AUH: variants seen among roughly 807,000 people sequenced by gnomAD.
AUH encodes AU RNA binding methylglutaconyl-CoA hydratase, also known as methylglutaconyl-CoA hydratase, mitochondrial.
In AUH, 29 loss-of-function variants were observed where a neutral mutation model predicts 42.3. That is an observed-to-expected ratio of 0.69 (90% CI 0.51 to 0.93). AUH has a LOEUF of 0.93. Ranked by LOEUF, AUH falls within the 40% of genes least tolerant of loss-of-function variation. The pLI is 0.00. For missense variants in AUH, 452 were observed against 438.1 expected, an observed-to-expected ratio of 1.03 and a Z score of -0.28; for synonymous variants, 174 against 166.4, an observed-to-expected ratio of 1.05 and a Z score of -0.35.
intron 3 of AUH, among the ~76,000 whole-genome samples, chr9:91,335,608 T>A (rs1365969084): frequency 1.3e-5 from 2 of 152,240 alleles, no homozygotes; most frequent in African/African-American, 4.8e-5. Flanking sequence ...ATTTTTTCAC[T>A]TAAGGTACAT....
intron 6 of AUH, among the ~76,000 whole-genome samples, chr9:91,243,745 C>CT (rs147434390): frequency 1.3e-4 from 19 of 150,102 alleles, no homozygotes; most frequent in East Asian, 1.9e-4. Flanking sequence ...GAGCAGCCCA[C>CT]TTTTTTTTTT....
intron 6 of AUH, among the ~76,000 whole-genome samples, chr9:91,263,196 C>G (rs1829792111): frequency 6.6e-6 from 1 of 152,128 alleles, no homozygotes. Flanking sequence ...TTCTGAAGCC[C>G]CATCCTCACT....
At chr9:91,320,758 C>T (rs1221994199) in intron 4 of AUH, among the ~76,000 whole-genome samples, 1 of 152,144 alleles carries the variant, frequency 6.6e-6, no homozygotes, top group Non-Finnish European at 1.5e-5. Context: ...TAACAGAGAC[C>T]TTAGGGTCCT....
chr9:91,305,895 G>A lies in AUH; in HGVS notation c.506-7819C>T, dbSNP rs548838573. ...TCTCACACCCCAGATCCCCAACACCGTAAGCCATCCTTCCATCCTTCCCCT... is the reference window on the plus strand; with the variant it reads ...TCTCACACCCCAGATCCCCAACACCATAAGCCATCCTTCCATCCTTCCCCT... On this transcript the variant is annotated intron_variant, in intron 4 of 9. Transcript: ENST00000375731. Among the ~76,000 whole-genome samples, 8 of 152,130 alleles carry A rather than the reference G, an allele frequency of 5.3e-5. 1 individual carries two copies. In the East Asian group the frequency reaches 1.5e-3, roughly 29 times the overall value.
rs559304396 is a variant in AUH at position 91,334,499 on chromosome 9, C to T, written c.419-9095G>A. Reference sequence around the variant, plus strand: ...CCCTTGGACTAGATTTACACTGGCTCCCATGAATCTCAGGCCTTTGGACGC... The same window carrying T: ...CCCTTGGACTAGATTTACACTGGCTTCCATGAATCTCAGGCCTTTGGACGC... On this transcript the variant is annotated intron_variant, in intron 3 of 9. Coordinates refer to ENST00000375731, the MANE Select transcript of AUH (RefSeq NM_001698.3). Among the ~76,000 whole-genome samples the T allele has an allele frequency of 2.6e-5, 4 of 152,290 alleles. No homozygotes were observed. In the South Asian group the frequency reaches 8.3e-4, roughly 32 times the overall value.
At chr9:91,254,711 T>C (rs1829316248) in intron 6 of AUH, among the ~76,000 whole-genome samples, 1 of 152,196 alleles carries the variant, frequency 6.6e-6, no homozygotes, top group Non-Finnish European at 1.5e-5. Flanking sequence ...TTGGCAACCA[T>C]TCGTATGACA....
At chr9:91,287,419 G>A (rs1000437461) in intron 6 of AUH, among the ~76,000 whole-genome samples, 6 of 152,074 alleles carry the variant, frequency 3.9e-5, no homozygotes, top group Admixed American at 6.6e-5. Flanking sequence ...ACCAGAAAAA[G>A]GACACTTGTG....
At chr9:91,244,456 GTT>G (rs1414294250) in intron 6 of AUH, among the ~76,000 whole-genome samples, 3 of 152,192 alleles carry the variant, frequency 2.0e-5, no homozygotes, top group Admixed American at 1.3e-4. Flanking sequence ...TAAGCTGCAA[GTT>G]TAATAAACAT....
At chr9:91,328,174 C>T (rs551162064) in intron 3 of AUH, among the ~76,000 whole-genome samples, 68 of 152,290 alleles carry the variant, frequency 4.5e-4, no homozygotes, top group Non-Finnish European at 7.5e-4. Flanking sequence ...CTTCTAATCT[C>T]CTTGGGGACA....
intron 3 of AUH, among the ~76,000 whole-genome samples, chr9:91,330,868 A>T (rs192927898): frequency 9.2e-5 from 14 of 152,216 alleles, no homozygotes; most frequent in Non-Finnish European, 1.8e-4. Context: ...GATAAAAGTC[A>T]TAATAATTGC....
At chr9:91,237,020 T>C (rs1395874943) in intron 6 of AUH, among the ~76,000 whole-genome samples, 2 of 152,200 alleles carry the variant, frequency 1.3e-5, no homozygotes, top group African/African-American at 2.4e-5. Context: ...TACCTACTTA[T>C]TGAATTCTTA....
chr9:91,300,460 A>C (rs916315062), intron 4 of AUH, among the ~76,000 whole-genome samples: 1 of 152,116 alleles, frequency 6.6e-6, no homozygotes, highest in African/African-American at 2.4e-5. Flanking sequence ...CTCCTTGCCA[A>C]TGCCCTTTTC....
At chr9:91,222,283 G>A (rs900121748) in intron 6 of AUH, among the ~76,000 whole-genome samples, 2 of 152,178 alleles carry the variant, frequency 1.3e-5, no homozygotes, top group African/African-American at 4.8e-5. Context: ...AACAAAGTAT[G>A]CCTCAGTTGG....
intron 4 of AUH, among the ~76,000 whole-genome samples, chr9:91,305,213 A>T (rs1828117275): frequency 6.7e-6 from 1 of 149,904 alleles, no homozygotes; most frequent in South Asian, 2.2e-4. Flanking sequence ...AGGAAAAGTT[A>T]AAAAAAAATT....
At chr9:91,279,681 G>C (rs1739502981) in intron 6 of AUH, among the ~76,000 whole-genome samples, 1 of 152,130 alleles carries the variant, frequency 6.6e-6, no homozygotes, top group African/African-American at 2.4e-5. Context: ...CTGTTCATGG[G>C]AAATCTGCCC....
intron 6 of AUH, among the ~76,000 whole-genome samples, chr9:91,278,283 A>C (rs1825702917): frequency 1.3e-5 from 2 of 152,238 alleles, no homozygotes; most frequent in Non-Finnish European, 2.9e-5. Context: ...AAAACATTCT[A>C]GTTTCACAGT....
intron 4 of AUH, 124 bp from the exon 5 acceptor site, chr9:91,298,200 C>T: frequency 1.4e-6 from 1 of 712,150 alleles, no homozygotes; most frequent in Non-Finnish European, 2.4e-6. Flanking sequence ...CTTTTGTATC[C>T]CTTTTACCTT....
intron 6 of AUH, among the ~76,000 whole-genome samples, chr9:91,277,707 TC>T (rs1825654067): frequency 1.3e-5 from 2 of 152,162 alleles, no homozygotes. Flanking sequence ...TGAATCAAAA[TC>T]AAGTGACATG....
Position 91,217,328 on chromosome 9 carries a change from C to T in AUH, c.844-1G>A. 6.2e-7 allele frequency: 1 copy of T among 1,613,042 alleles called. No homozygotes were observed. The highest frequency in any genetic ancestry group is 8.5e-7 in the Non-Finnish European group (1 of 1,179,214). ...TTGCCACTCTCATTGCAACAGGTCCCTAAAATTCAAATTAAAGAAACAGAC... is the reference window on the plus strand; with the variant it reads ...TTGCCACTCTCATTGCAACAGGTCCTTAAAATTCAAATTAAAGAAACAGAC... On this transcript the variant is annotated splice_acceptor_variant, in intron 7 of 9. Coordinates refer to ENST00000375731, the MANE Select transcript of AUH (RefSeq NM_001698.3). LOFTEE classifies it high-confidence loss of function.
Sources: gnomAD v4.1 joint callset for allele counts (sites outside exome capture counted in the v4.1 genomes callset) on GRCh38, gnomAD v4.1.1 for gene constraint, MANE v1.5 for transcripts, NCBI Gene and HGNC (gene_info 2026-07-23, HGNC 2026-07-21) for gene names.